The following DTNBP1 variants were observed in gnomAD, a reference collection of about 807,000 sequenced individuals.
The protein encoded by DTNBP1 is dysbindin.
DTNBP1 carries 35 observed loss-of-function variants against 42.8 expected under a neutral mutation model. That is an observed-to-expected ratio of 0.82 (90% CI 0.63 to 1.09). DTNBP1 has a LOEUF of 1.09. Ranked by LOEUF, DTNBP1 falls within the 50% of genes least tolerant of loss-of-function variation. The probability of loss-of-function intolerance (pLI) is 0.00; values close to 1 mark genes in which losing one functional copy is unlikely to be tolerated. For synonymous variants in DTNBP1, 171 were observed against 162.2 expected (o/e 1.05, Z -0.41); for missense variants, 457 against 424.2 (o/e 1.08, Z -0.68).
At chr6:15,654,414 C>G (rs894483351) in intron 1 of DTNBP1, among the ~76,000 whole-genome samples, 7 of 152,140 alleles carry the variant, frequency 4.6e-5, no homozygotes, top group South Asian at 4.1e-4. Flanking sequence ...AAATGATTCT[C>G]GCATTATTTT....
At chr6:15,646,216 C>G (rs556684955) in intron 3 of DTNBP1, among the ~76,000 whole-genome samples, 87 of 151,414 alleles carry the variant, frequency 5.7e-4, no homozygotes, top group African/African-American at 2.0e-3. Context: ...CAACAACATT[C>G]AATCTGAGAA....
At chr6:15,571,623 C>T (rs992105701) in intron 7 of DTNBP1, among the ~76,000 whole-genome samples, 1 of 152,206 alleles carries the variant, frequency 6.6e-6, no homozygotes, top group Non-Finnish European at 1.5e-5. Flanking sequence ...AATGCATTAC[C>T]TCTAGGCACT....
chr6:15,619,507 T>C (rs1018940221), intron 5 of DTNBP1, among the ~76,000 whole-genome samples: 6 of 152,090 alleles, frequency 3.9e-5, no homozygotes, highest in Non-Finnish European at 7.4e-5. Flanking sequence ...CTACAAAATA[T>C]CTGATCACCA....
chr6:15,522,879 C>A lies in DTNBP1; in HGVS notation c.*96G>T. On this transcript the variant is annotated 3_prime_UTR_variant, in exon 10 of 10. Coordinates refer to ENST00000344537, the MANE Select transcript of DTNBP1 (RefSeq NM_032122.5). ...ACATTATTGGCAATTATGTAAAAATCAAGAACCTCTATAAAACAACCTGGC... is the reference window on the plus strand; with the variant it reads ...ACATTATTGGCAATTATGTAAAAATAAAGAACCTCTATAAAACAACCTGGC... 2 of 1,603,658 alleles carry A rather than the reference C, an allele frequency of 1.2e-6. No homozygotes were observed. Among genetic ancestry groups the A allele is most frequent in the Non-Finnish European group, 8.5e-7 (1 of 1,173,338 alleles).
At chr6:15,659,351 T>A (rs1024628574) in intron 1 of DTNBP1, among the ~76,000 whole-genome samples, 1 of 152,140 alleles carries the variant, frequency 6.6e-6, no homozygotes, top group Non-Finnish European at 1.5e-5. Context: ...AGCCCAGAAA[T>A]GCCTGAGGCC....
chr6:15,613,661 T>C lies in DTNBP1; in HGVS notation c.488+1606A>G, dbSNP rs1352742369. 2.0e-5 allele frequency among the ~76,000 whole-genome samples: 3 copies of C among 152,102 alleles called. No homozygotes were observed. The South Asian group carries it at 6.2e-4, about 32-fold the overall frequency. Reference sequence around the variant, plus strand: ...GATTACAGGCGTGAGCCACTGCACCTGGCCAAGGACTCCATTCTTAATGCT... The same window carrying C: ...GATTACAGGCGTGAGCCACTGCACCCGGCCAAGGACTCCATTCTTAATGCT... On this transcript the variant is annotated intron_variant, in intron 6 of 9. Transcript: ENST00000344537.
chr6:15,581,679 T>G (rs1195553435), intron 7 of DTNBP1, among the ~76,000 whole-genome samples: 2 of 151,928 alleles, frequency 1.3e-5, no homozygotes, highest in Non-Finnish European at 2.9e-5. Context: ...GGTTTCACCA[T>G]GTTGGCCAGG....
chr6:15,533,168 T>C, intron 8 of DTNBP1, 72 bp downstream of exon 8: 1 of 1,601,846 alleles, frequency 6.2e-7, no homozygotes, highest in South Asian at 1.1e-5. Flanking sequence ...TGCCCTGCTC[T>C]GGGGAGAGGG....
At chr6:15,640,335 T>C (rs1760273082) in intron 3 of DTNBP1, among the ~76,000 whole-genome samples, 2 of 152,216 alleles carry the variant, frequency 1.3e-5, no homozygotes, top group South Asian at 4.1e-4. Context: ...TTTACTGAGA[T>C]AAAGACACTG....
intron 9 of DTNBP1, chr6:15,523,481 A>C: frequency 2.3e-6 from 3 of 1,286,632 alleles, no homozygotes; most frequent in Admixed American, 2.9e-5. Context: ...CTAAGGCTGT[A>C]ATACGCGTGT....
chr6:15,635,409 G>A (rs1319864013), intron 4 of DTNBP1, among the ~76,000 whole-genome samples: 5 of 152,224 alleles, frequency 3.3e-5, no homozygotes, highest in South Asian at 2.1e-4. Context: ...GTGAGCCACC[G>A]AGCCTAACTG....
At chr6:15,610,334 T>G (rs950114477) in intron 6 of DTNBP1, among the ~76,000 whole-genome samples, 2 of 152,244 alleles carry the variant, frequency 1.3e-5, no homozygotes, top group African/African-American at 2.4e-5. Flanking sequence ...ATGTTGTATG[T>G]GTTCTGACTG....
intron 7 of DTNBP1, among the ~76,000 whole-genome samples, chr6:15,557,973 C>T (rs1200370535): frequency 6.6e-6 from 1 of 151,952 alleles, no homozygotes; most frequent in Non-Finnish European, 1.5e-5. Context: ...TAAAATCATA[C>T]AGGAAGCATT....
chr6:15,579,960 A>G (rs1009538644), intron 7 of DTNBP1: 1 of 260,820 alleles, frequency 3.8e-6, no homozygotes, highest in African/African-American at 2.2e-5. Flanking sequence ...ATGTACAATT[A>G]TGTGTCCATT....
At chr6:15,661,001 C>G (rs749507654) in intron 1 of DTNBP1, among the ~76,000 whole-genome samples, 10 of 152,134 alleles carry the variant, frequency 6.6e-5, no homozygotes, top group Non-Finnish European at 1.0e-4. Flanking sequence ...GAACAAAATG[C>G]AAGCACGCAA....
chr6:15,607,911 C>T (rs889971564), intron 6 of DTNBP1, among the ~76,000 whole-genome samples: 1 of 152,244 alleles, frequency 6.6e-6, no homozygotes, highest in South Asian at 2.1e-4. Context: ...CACCTTTCTG[C>T]CCTGTTTTTC....
At chr6:15,647,369 G>A (rs752144694) in intron 3 of DTNBP1, among the ~76,000 whole-genome samples, 2 of 151,626 alleles carry the variant, frequency 1.3e-5, no homozygotes, top group Non-Finnish European at 1.5e-5. Context: ...TACCACTACC[G>A]TTTATATCTA....
chr6:15,579,669 G>A (rs1400795603), intron 7 of DTNBP1, among the ~76,000 whole-genome samples: 2 of 152,286 alleles, frequency 1.3e-5, no homozygotes, highest in East Asian at 3.9e-4. Flanking sequence ...GCTGGGCATG[G>A]TGGCAGGCGC....
intron 3 of DTNBP1, among the ~76,000 whole-genome samples, chr6:15,650,681 T>C (rs1008779002): frequency 1.3e-5 from 2 of 152,222 alleles, no homozygotes; most frequent in Non-Finnish European, 2.9e-5. Context: ...GAGAAATGTC[T>C]ATTCAACTCT....
Sources: allele counts gnomAD v4.1 joint callset (sites outside exome capture counted in the v4.1 genomes callset), GRCh38; gene constraint gnomAD v4.1.1; transcripts MANE v1.5; gene names NCBI Gene and HGNC (gene_info 2026-07-23, HGNC 2026-07-21).